The following BLK variants were observed in gnomAD, a reference collection of about 807,000 sequenced individuals.
BLK encodes tyrosine-protein kinase Blk.
A neutral mutation model predicts 61.8 loss-of-function variants in BLK; 64 were observed. The ratio of observed to expected loss-of-function variants is 1.03; its 90% CI spans 0.85 to 1.27. The LOEUF (loss-of-function observed/expected upper bound fraction) is 1.27. BLK is among the 50% of genes most tolerant of loss of function. The pLI is 0.00. For missense variants in BLK, 853 were observed against 660.5 expected, an observed-to-expected ratio of 1.29 and a Z score of -3.19; for synonymous variants, 351 against 272.0, an observed-to-expected ratio of 1.29 and a Z score of -2.86.
At chr8:11,524,027 T>C (rs190336661) in intron 1 of BLK, among the ~76,000 whole-genome samples, 23 of 152,286 alleles carry the variant, frequency 1.5e-4, no homozygotes, top group Admixed American at 5.9e-4. Context: ...AGCTTAAAAA[T>C]ATTGGACAAT....
intron 1 of BLK, among the ~76,000 whole-genome samples, chr8:11,508,781 A>G (rs1208340111): frequency 1.3e-5 from 2 of 152,178 alleles, no homozygotes; most frequent in Non-Finnish European, 2.9e-5. Context: ...CCCAAACGCA[A>G]CTGTGATGGG....
intron 10 of BLK, chr8:11,558,614 G>A (rs1321691858): frequency 8.8e-6 from 4 of 454,490 alleles, no homozygotes; most frequent in South Asian, 3.1e-5. Flanking sequence ...GGACCTCCTT[G>A]GCTACCCAGG....
chr8:11,496,356 C>T (rs780969727), intron 1 of BLK, among the ~76,000 whole-genome samples: 2 of 152,324 alleles, frequency 1.3e-5, no homozygotes, highest in Non-Finnish European at 2.9e-5. Context: ...CCTCCCAACT[C>T]AGCCTCCTGA....
At chr8:11,511,291 T>G (rs893817596) in intron 1 of BLK, among the ~76,000 whole-genome samples, 3 of 151,930 alleles carry the variant, frequency 2.0e-5, no homozygotes, top group Admixed American at 1.3e-4. Context: ...CGGGGCCTGT[T>G]GTGGGGTGGG....
In BLK at chr8:11,533,981, T is replaced by A. The variant is rs560881286; in HGVS notation, c.-1-9243T>A. Among the ~76,000 whole-genome samples the A allele has an allele frequency of 4.6e-5, 7 of 152,326 alleles. No individual in the cohort carries two copies. The East Asian group carries it at 1.3e-3, about 29-fold the overall frequency. ...CCTGCCTTTCAATCCTTGTCACAAG[T>A]CATGATCCAGAAGCTCGGCCAATTG... On this transcript the variant is annotated intron_variant, in intron 1 of 12. Transcript: ENST00000259089.
intron 1 of BLK, among the ~76,000 whole-genome samples, chr8:11,517,997 G>C (rs183569377): frequency 6.6e-6 from 1 of 152,350 alleles, no homozygotes; most frequent in East Asian, 1.9e-4. Flanking sequence ...GATGTGAGCT[G>C]GCTTTGCTTT....
chr8:11,553,800 C>T (rs999209202), intron 6 of BLK, among the ~76,000 whole-genome samples: 2 of 152,118 alleles, frequency 1.3e-5, no homozygotes, highest in East Asian at 1.9e-4. Context: ...GGCACATTGG[C>T]TGAGGGAAAC....
At chr8:11,558,077 G>A (rs1158265437) in intron 10 of BLK, 39 bp downstream of exon 10, 2 of 1,594,356 alleles carry the variant, frequency 1.3e-6, no homozygotes, top group Non-Finnish European at 1.7e-6. Flanking sequence ...GGCGGCATGT[G>A]CCACCTGCTG....
intron 1 of BLK, among the ~76,000 whole-genome samples, chr8:11,529,911 G>A (rs1585364218): frequency 6.6e-6 from 1 of 152,082 alleles, no homozygotes; most frequent in African/African-American, 2.4e-5. Flanking sequence ...GAATCCAGGT[G>A]AATAACCCCA....
At chr8:11,495,406 G>C (rs577231048) in intron 1 of BLK, among the ~76,000 whole-genome samples, 1 of 152,306 alleles carries the variant, frequency 6.6e-6, no homozygotes, top group South Asian at 2.1e-4. Flanking sequence ...TTTGGACTAA[G>C]AGTATGGAAA....
At chr8:11,504,539 A>T (rs552690927) in intron 1 of BLK, among the ~76,000 whole-genome samples, 1 of 152,334 alleles carries the variant, frequency 6.6e-6, no homozygotes, top group East Asian at 1.9e-4. Context: ...GAAGCTGGTT[A>T]TCCGTGTGTA....
chr8:11,542,909 C>T (rs1428445071), intron 1 of BLK, among the ~76,000 whole-genome samples: 1 of 152,218 alleles, frequency 6.6e-6, no homozygotes, highest in Non-Finnish European at 1.5e-5. Flanking sequence ...TAGAACACCA[C>T]GTGGCCTCCC....
At chr8:11,518,631 C>T (rs143741416) in intron 1 of BLK, among the ~76,000 whole-genome samples, 1 of 152,164 alleles carries the variant, frequency 6.6e-6, no homozygotes, top group African/African-American at 2.4e-5. Flanking sequence ...TCCTGCTTCA[C>T]CCGCACCCCA....
intron 1 of BLK, among the ~76,000 whole-genome samples, chr8:11,538,595 T>G (rs1800233141): frequency 6.6e-6 from 1 of 152,242 alleles, no homozygotes; most frequent in African/African-American, 2.4e-5. Flanking sequence ...GTTGTCTCAG[T>G]GGACACAGGT....
chr8:11,534,284 C>T (rs1800019350), intron 1 of BLK, among the ~76,000 whole-genome samples: 1 of 152,144 alleles, frequency 6.6e-6, no homozygotes, highest in Non-Finnish European at 1.5e-5. Flanking sequence ...GGTTAAGGCC[C>T]ATAGTCTCAT....
chr8:11,556,452 C>T (rs544094544), intron 8 of BLK: 184 of 641,034 alleles, frequency 2.9e-4, no homozygotes, highest in Non-Finnish European at 4.5e-4. Flanking sequence ...AGGCAGGGTA[C>T]ATTCCTCCAC....
At chr8:11,560,034 A>G (rs1031173121) in intron 10 of BLK, 7 of 353,492 alleles carry the variant, frequency 2.0e-5, no homozygotes, top group African/African-American at 4.3e-5. Flanking sequence ...CTGCCCAGAT[A>G]TATTTAGTAC....
intron 1 of BLK, among the ~76,000 whole-genome samples, chr8:11,527,740 G>A (rs1372163904): frequency 1.3e-5 from 2 of 151,070 alleles, no homozygotes; most frequent in Non-Finnish European, 2.9e-5. Context: ...GTTTGGGTGG[G>A]GTCCATTGGT....
rs554923823 is a variant in BLK at position 11,500,823 on chromosome 8, T to C, written c.-2+6232T>C. On this transcript the variant is annotated intron_variant, in intron 1 of 12. Coordinates refer to ENST00000259089, the MANE Select transcript of BLK (RefSeq NM_001715.3). ...TGACCATGCCTGGCTCTACCTTTTA[T>C]GTTAAAGTTTATATAAATTATTTCA... Among the ~76,000 whole-genome samples the C allele has an allele frequency of 7.6e-4, 116 of 152,330 alleles. 1 individual carries two copies. In the South Asian group the frequency reaches 0.023, roughly 30 times the overall value.
Sources: allele counts gnomAD v4.1 joint callset (sites outside exome capture counted in the v4.1 genomes callset), GRCh38; gene constraint gnomAD v4.1.1; transcripts MANE v1.5; gene names NCBI Gene and HGNC (gene_info 2026-07-23, HGNC 2026-07-21).